MAP2: variants seen among roughly 807,000 people sequenced by gnomAD.
MAP2 encodes the protein microtubule-associated protein 2.
A neutral mutation model predicts 137.6 loss-of-function variants in MAP2; 14 were observed. The observed-to-expected ratio is 0.10, with a 90% CI of 0.07 to 0.16. MAP2 has a LOEUF of 0.16. Among genes scored for constraint, MAP2 ranks in the 10% least tolerant of loss-of-function variants. The pLI, the probability that MAP2 is intolerant of heterozygous loss-of-function variation, is 1.00. For synonymous variants in MAP2, 786 were observed against 782.3 expected, an observed-to-expected ratio of 1.00 and a Z score of -0.08; for missense variants, 2,088 against 2,191.5, an observed-to-expected ratio of 0.95 and a Z score of 0.94.
intron 1 of MAP2, among the ~76,000 whole-genome samples, chr2:209,494,676 A>G (rs545098535): frequency 6.6e-6 from 1 of 152,328 alleles, no homozygotes; most frequent in African/African-American, 2.4e-5. Context: ...TGCTATGCCT[A>G]TGGAGTAGCT....
intron 1 of MAP2, among the ~76,000 whole-genome samples, chr2:209,431,150 A>T (rs1192422360): frequency 3.3e-5 from 5 of 152,296 alleles, no homozygotes; most frequent in Non-Finnish European, 7.4e-5. Context: ...GGACATTCTT[A>T]CTGCCTTATT....
intron 1 of MAP2, among the ~76,000 whole-genome samples, chr2:209,473,535 A>T (rs1706350584): frequency 1.3e-5 from 2 of 152,108 alleles, no homozygotes; most frequent in Admixed American, 1.3e-4. Context: ...AGAGACCTGT[A>T]CAATTTTATA....
In MAP2 at chr2:209,711,198, G is replaced by A. The variant is rs145847006; in HGVS notation, c.5073+944G>A. ...TCCAAGAAAGTCTTTCCTTTTTAAC[G>A]TCAATATTTTTTTCTGCCACTCTTT... On this transcript the variant is annotated intron_variant, in intron 13 of 15. Coordinates refer to ENST00000682079, the MANE Select transcript of MAP2 (RefSeq NM_001375505.1). Among the ~76,000 whole-genome samples, 25 of 152,110 alleles carry A rather than the reference G, an allele frequency of 1.6e-4. 1 individual carries two copies. Among genetic ancestry groups the A allele is most frequent in the African/African-American group, 4.8e-4 (20 of 41,516 alleles).
intron 13 of MAP2, among the ~76,000 whole-genome samples, chr2:209,719,631 C>CAG (rs999348818): frequency 3.3e-5 from 5 of 151,764 alleles, no homozygotes; most frequent in African/African-American, 7.3e-5. Context: ...TAAATATATG[C>CAG]AGAGAGAGAG....
intron 1 of MAP2, among the ~76,000 whole-genome samples, chr2:209,447,358 A>G (rs1341293498): frequency 6.6e-6 from 1 of 151,966 alleles, no homozygotes; most frequent in East Asian, 1.9e-4. Context: ...TTTGCTAGCC[A>G]TATCTTCTAA....
chr2:209,662,048 C>G (rs2043896880), intron 5 of MAP2, among the ~76,000 whole-genome samples: 1 of 152,130 alleles, frequency 6.6e-6, no homozygotes, highest in South Asian at 2.1e-4. Context: ...GACGGTAATT[C>G]TTAATCGATA....
At chr2:209,563,154 G>A (rs1386089320) in intron 2 of MAP2, among the ~76,000 whole-genome samples, 2 of 152,144 alleles carry the variant, frequency 1.3e-5, no homozygotes, top group South Asian at 2.1e-4. Flanking sequence ...AGAGTACAGA[G>A]TAGTAGAATG....
At chr2:209,494,695 T>C (rs1272977837) in intron 1 of MAP2, among the ~76,000 whole-genome samples, 5 of 152,222 alleles carry the variant, frequency 3.3e-5, no homozygotes, top group African/African-American at 1.2e-4. Context: ...CTATTCTTTA[T>C]TCCTTTACTT....
chr2:209,554,633 A>AGGTGGCT (rs2070066441), intron 2 of MAP2, among the ~76,000 whole-genome samples: 1 of 151,860 alleles, frequency 6.6e-6, no homozygotes, highest in South Asian at 2.1e-4. Flanking sequence ...ACAAAAATAC[A>AGGTGGCT]AAGCTACTCA....
intron 2 of MAP2, among the ~76,000 whole-genome samples, chr2:209,563,360 C>T (rs529779091): frequency 4.6e-5 from 7 of 151,884 alleles, no homozygotes; most frequent in Admixed American, 1.3e-4. Context: ...TTAAAAGTAA[C>T]GGCAAAAAAT....
chr2:209,519,769 T>C (rs1257123189), intron 2 of MAP2, among the ~76,000 whole-genome samples: 2 of 151,736 alleles, frequency 1.3e-5, no homozygotes, highest in African/African-American at 4.9e-5. Context: ...AGTGGATATT[T>C]TGGGTTACCT....
chr2:209,583,291 A>T (rs2076958278), intron 3 of MAP2, among the ~76,000 whole-genome samples: 1 of 152,064 alleles, frequency 6.6e-6, no homozygotes, highest in Admixed American at 6.6e-5. Flanking sequence ...TTTAACTTGA[A>T]GGACTTTATT....
chr2:209,448,340 G>A (rs1229817247), intron 1 of MAP2, among the ~76,000 whole-genome samples: 1 of 152,060 alleles, frequency 6.6e-6, no homozygotes, highest in Non-Finnish European at 1.5e-5. Flanking sequence ...TGACCCTAAA[G>A]CTGGCAGCCA....
intron 8 of MAP2, 59 bp from the exon 9 acceptor site, chr2:209,696,483 C>A: frequency 1.3e-6 from 2 of 1,498,968 alleles, no homozygotes; most frequent in South Asian, 2.5e-5. Flanking sequence ...GGATTTTGTA[C>A]ACTTGTTACT....
At chr2:209,708,858 A>G (rs573960613) in intron 12 of MAP2, among the ~76,000 whole-genome samples, 4 of 152,140 alleles carry the variant, frequency 2.6e-5, no homozygotes, top group African/African-American at 4.8e-5. Context: ...ATGAGCCTCA[A>G]TGTTCTCATT....
rs1356105552 is a variant in MAP2, at chr2:209,695,461, C to T, written c.3291C>T (p.Gly1097=). The change falls in exon 8 of 16, where the codon GGC becomes GGT. Residue 1097 remains glycine, a synonymous_variant. Transcript: ENST00000682079. ...EADAFMGVES[G]HMKEGTKVSE... is the part of the protein sequence containing the mutation. The stretch of plus-strand genomic sequence containing the variant: ...ATGCATTTATGGGTGTTGAGTCTGG[C>T]CACATGAAAGAAGGCACTAAAGTTA... The T allele has an allele frequency of 1.2e-5, 20 of 1,613,828 alleles. No individual in the cohort carries two copies. The highest frequency in any genetic ancestry group is 1.7e-6 in the Non-Finnish European group (2 of 1,179,942).
chr2:209,653,088 A>G (rs2094916295), intron 4 of MAP2, 54 bp from the exon 5 acceptor site: 1 of 1,408,380 alleles, frequency 7.1e-7, no homozygotes, highest in East Asian at 2.4e-5. Flanking sequence ...GGTACAACCA[A>G]TATCAGATCA....
intron 10 of MAP2, among the ~76,000 whole-genome samples, chr2:209,699,458 C>A (rs369797797): frequency 7.2e-5 from 11 of 152,106 alleles, no homozygotes; most frequent in African/African-American, 1.9e-4. Context: ...GTTTTCCAAA[C>A]CACAAGGGAT....
At chr2:209,473,665 C>T (rs1053800149) in intron 1 of MAP2, among the ~76,000 whole-genome samples, 34 of 151,676 alleles carry the variant, frequency 2.2e-4, no homozygotes, top group African/African-American at 8.2e-4. Flanking sequence ...TTTTGGCCTG[C>T]CAGGCAAAAA....
Sources: gnomAD v4.1 joint callset for allele counts (sites outside exome capture counted in the v4.1 genomes callset) on GRCh38, gnomAD v4.1.1 for gene constraint, MANE v1.5 for transcripts, NCBI Gene and HGNC (gene_info 2026-07-23, HGNC 2026-07-21) for gene names.